GCLC: variants seen among roughly 807,000 people sequenced by gnomAD.
GCLC encodes the protein glutamate-cysteine ligase catalytic subunit, also known as glutamate--cysteine ligase catalytic subunit.
GCLC carries 30 observed loss-of-function variants against 81.5 expected under a neutral mutation model. The ratio of observed to expected loss-of-function variants is 0.37; its 90% CI spans 0.28 to 0.50. GCLC has a LOEUF of 0.50. GCLC is among the 20% of genes least tolerant of loss of function. The pLI is 0.96. For synonymous variants in GCLC, 262 were observed against 273.3 expected, an observed-to-expected ratio of 0.96 and a Z score of 0.41; for missense variants, 556 against 777.4, an observed-to-expected ratio of 0.72 and a Z score of 3.39.
intron 3 of GCLC, among the ~76,000 whole-genome samples, chr6:53,519,426 C>G (rs1021192551): frequency 2.0e-5 from 3 of 151,650 alleles, no homozygotes; most frequent in Non-Finnish European, 4.4e-5. Flanking sequence ...ACCCCCTCCC[C>G]CTCCACCCAC....
At position 53,522,453 on chromosome 6, in the gene GCLC, A is replaced by G. The variant is rs1763015300; in HGVS notation, c.225T>C (p.Leu75=). The G allele has an allele frequency of 1.9e-6, 3 of 1,612,380 alleles. No homozygotes were observed. The South Asian group carries it at 3.3e-5, about 18-fold the overall frequency. Residue 75 remains leucine (L), a synonymous_variant, in exon 2 of 16, where the codon CTT becomes CTC. Transcript: ENST00000650454. The part of the protein sequence containing the change: ...VRLVLSGEKV[L]ETLQEKGERT... ...TTTCCCCCTTCTCTTGCAGAGTTTCAAGAACTTTCTCCCCAGACAGGACCA... is the reference window on the plus strand; with the variant it reads ...TTTCCCCCTTCTCTTGCAGAGTTTCGAGAACTTTCTCCCCAGACAGGACCA...
intron 1 of GCLC, among the ~76,000 whole-genome samples, chr6:53,528,474 AAT>A (rs887319644): frequency 9.9e-5 from 15 of 152,056 alleles, no homozygotes; most frequent in African/African-American, 3.4e-4. Context: ...TGATGATTTA[AAT>A]ATATATATAT....
chr6:53,532,134 TC>T (rs1763181617), intron 1 of GCLC, among the ~76,000 whole-genome samples: 1 of 152,262 alleles, frequency 6.6e-6, no homozygotes, highest in South Asian at 2.1e-4. Flanking sequence ...CTATCTGCTA[TC>T]AATAGGAAGA....
chr6:53,544,795 T>G lies in GCLC; in HGVS notation c.-150A>C. The G allele has an allele frequency of 3.1e-6, 2 of 654,564 alleles. No homozygotes were observed. Among genetic ancestry groups the G allele is most frequent in the Non-Finnish European group, 2.3e-6 (1 of 431,944 alleles). The allele number at this position is 654,564 out of a possible 1,614,324, so 40.5% of individuals were successfully genotyped here. ...GCCGCAGTCGGCGGAGGGAGGGTCC[T>G]GCCCGCTCCGGCTCCCCGGCGGCGG... is the stretch of plus-strand genomic sequence containing the variant. On this transcript the variant is annotated 5_prime_UTR_variant, in exon 1 of 16. Transcript: ENST00000650454.
At chr6:53,531,569 G>A (rs1465081160) in intron 1 of GCLC, among the ~76,000 whole-genome samples, 3 of 152,156 alleles carry the variant, frequency 2.0e-5, no homozygotes, top group Non-Finnish European at 4.4e-5. Context: ...CACCCCACAC[G>A]ATGTTGCAGC....
intron 1 of GCLC, among the ~76,000 whole-genome samples, chr6:53,533,572 G>A (rs62416866): frequency 0.1 from 11,449 of 110,522 alleles, 558 homozygotes; most frequent in South Asian, 0.22. Context: ...AAGGTTGCAG[G>A]GGGAATGAAT....
At chr6:53,514,876 A>G (rs2127623130) in intron 4 of GCLC, among the ~76,000 whole-genome samples, 1 of 152,326 alleles carries the variant, frequency 6.6e-6, no homozygotes, top group Non-Finnish European at 1.5e-5. Flanking sequence ...CACTTTGCCC[A>G]GGCATCTCTG....
intron 2 of GCLC, 80 bp from the exon 3 acceptor site, chr6:53,521,040 A>G (rs916445205): frequency 1.9e-6 from 2 of 1,069,958 alleles, no homozygotes; most frequent in African/African-American, 1.5e-5. Context: ...AAGTTGCTTT[A>G]AAAGTGTAGA....
chr6:53,522,923 G>T, intron 1 of GCLC: 1 of 229,262 alleles, frequency 4.4e-6, no homozygotes, highest in South Asian at 6.4e-5. Flanking sequence ...AGGTTATCTG[G>T]ACATTCCAGT....
Position 53,500,142 on chromosome 6 carries a change from G to C in GCLC, c.1605C>G (p.Ile535Met). The change falls in exon 15 of 16, where the codon ATC becomes ATG. Residue 535 changes from isoleucine to methionine, a missense_variant. Physicochemically the swap from Ile to Met is conservative, Grantham distance 10 (BLOSUM62 1). Coordinates refer to ENST00000650454, the MANE Select transcript of GCLC (RefSeq NM_001498.4). The stretch of plus-strand genomic sequence containing the variant: ...TTTCAAGGTAAGAGTTCAGAATTGG[G>C]ATCAGTCCAGGAAACACACCTTCCT... ...NGKEGVFPGLIPILNSYLENM... is the reference protein window; with the variant it reads ...NGKEGVFPGLMPILNSYLENM... 6.2e-7 allele frequency: 1 copy of C among 1,613,596 alleles called. No individual in the cohort carries two copies. Among genetic ancestry groups the C allele is most frequent in the Non-Finnish European group, 8.5e-7 (1 of 1,179,524 alleles).
intron 3 of GCLC, among the ~76,000 whole-genome samples, chr6:53,517,079 A>AATTTT (rs372330233): frequency 5.7e-5 from 6 of 104,432 alleles, no homozygotes; most frequent in South Asian, 3.4e-4. Flanking sequence ...TTAAAAAAAA[A>AATTTT]TTTTTTTTTT....
rs1246390568 is a variant in GCLC at position 53,497,773 on chromosome 6, G to C, written c.*983C>G. ...TCATGATTTATTGATGAGTTTTATA[G>C]AGAAAGTAAGCAGTATGTAGAATAT... On this transcript the variant is annotated 3_prime_UTR_variant, in exon 16 of 16. Coordinates refer to ENST00000650454, the MANE Select transcript of GCLC (RefSeq NM_001498.4). 1.3e-5 allele frequency: 2 copies of C among 152,586 alleles called. No individual in the cohort carries two copies. The highest frequency in any genetic ancestry group is 2.9e-5 in the Non-Finnish European group (2 of 68,024). 9.5% of individuals were successfully genotyped at this position (152,586 alleles called of 1,614,324 possible).
rs1764623553 is a variant in GCLC, at chr6:53,506,786, T to C, written c.1197+127A>G. On this transcript the variant is annotated intron_variant, in intron 10 of 15. Transcript: ENST00000650454. This position sits in a 1 kb window ranked among gnomAD's most constrained non-coding sequence, Gnocchi z 4.0. ...TGAAAGTCTTATGAAATTTCTTTTG[T>C]GTTCTCCACAGGTACAGAAAACTGC... The C allele has an allele frequency of 4.4e-6, 3 of 677,090 alleles. No homozygotes were observed. In the East Asian group the frequency reaches 8.1e-5, roughly 18 times the overall value. 41.9% of individuals were successfully genotyped at this position (677,090 alleles called of 1,614,324 possible).
intron 1 of GCLC, among the ~76,000 whole-genome samples, chr6:53,543,366 G>A (rs1763391344): frequency 6.6e-6 from 1 of 151,834 alleles, no homozygotes; most frequent in African/African-American, 2.4e-5. Flanking sequence ...TTGTAGAAAT[G>A]TGAATTACTA....
At chr6:53,535,143 T>C (rs1763237709) in intron 1 of GCLC, among the ~76,000 whole-genome samples, 1 of 151,930 alleles carries the variant, frequency 6.6e-6, no homozygotes, top group South Asian at 2.1e-4. Context: ...CAGCTACTTG[T>C]TAGGCTGGGG....
rs1391825446 is a variant in GCLC at position 53,505,811 on chromosome 6, G to A, written c.1282C>T (p.Pro428Ser). The A allele has an allele frequency of 4.4e-6, 7 of 1,595,834 alleles. No homozygotes were observed. The highest frequency in any genetic ancestry group is 5.2e-6 in the Non-Finnish European group (6 of 1,163,342). The change falls in exon 11 of 16, where the codon CCC becomes TCC. Residue 428 changes from proline to serine, a missense_variant. Around this residue, in one of 3 missense-constraint regions of GCLC, gnomAD observed 313 missense variants for 437.3 expected, o/e 0.72. Coordinates refer to ENST00000650454, the MANE Select transcript of GCLC (RefSeq NM_001498.4). Reference sequence around the variant, plus strand: ...TGATGCATGTGTCTTACCTCCATGGGTCGAAATTCTACTCTCCATCCAATG... The same window carrying A: ...TGATGCATGTGTCTTACCTCCATGGATCGAAATTCTACTCTCCATCCAATG... The part of the protein sequence containing the change: ...SDIGWRVEFR[P>S]MEVQLTDFEN...
chr6:53,535,672 C>G (rs1581749059), intron 1 of GCLC, among the ~76,000 whole-genome samples: 1 of 152,276 alleles, frequency 6.6e-6, no homozygotes, highest in South Asian at 2.1e-4. Flanking sequence ...TAACACACTT[C>G]ACAAAAAAGA....
At position 53,505,446 on chromosome 6, in the gene GCLC, C is replaced by T; in HGVS notation, c.1341G>A (p.Leu447=). The T allele has an allele frequency of 6.2e-7, 1 of 1,607,048 alleles. No homozygotes were observed. The highest frequency in any genetic ancestry group is 8.5e-7 in the Non-Finnish European group (1 of 1,173,782). The change falls in exon 12 of 16, where the codon CTG becomes CTA. Residue 447 remains leucine, a synonymous_variant. Coordinates refer to ENST00000650454, the MANE Select transcript of GCLC (RefSeq NM_001498.4). ...ENSAYVVFVV[L]LTRVILSYKL... The stretch of plus-strand genomic sequence containing the variant: ...TGTAGGAAAGGATCACTCTGGTGAG[C>T]AGTACCACAAACACCACATAGGCAG...
At chr6:53,508,422 A>G (rs1293983804) in intron 8 of GCLC, among the ~76,000 whole-genome samples, 173 bp downstream of exon 8, 5 of 152,196 alleles carry the variant, frequency 3.3e-5, no homozygotes, top group Admixed American at 2.0e-4. Context: ...AAATGAAGCT[A>G]AAACAAATAC....
Sources: gnomAD v4.1 joint callset for allele counts (sites outside exome capture counted in the v4.1 genomes callset) on GRCh38, gnomAD v4.1.1 for gene constraint, gnomAD v4.1.1 regional missense constraint, Gnocchi (gnomAD v3.1) non-coding constraint, MANE v1.5 for transcripts, NCBI Gene and HGNC (gene_info 2026-07-23, HGNC 2026-07-21) for gene names.